TXNDC12: variants seen among roughly 807,000 people sequenced by gnomAD.
TXNDC12 encodes thioredoxin domain-containing protein 12.
Under a neutral mutation model 24.2 loss-of-function variants are expected in TXNDC12, and 22 were observed. The ratio of observed to expected loss-of-function variants is 0.91; its 90% CI spans 0.65 to 1.30. The LOEUF (loss-of-function observed/expected upper bound fraction) is 1.30. Ranked by LOEUF, TXNDC12 falls within the 50% of genes most tolerant of loss-of-function variation. The pLI, the probability that TXNDC12 is intolerant of heterozygous loss-of-function variation, is 0.00. For synonymous variants in TXNDC12, 58 were observed against 73.4 expected (o/e 0.79, Z 1.07); for missense variants, 184 against 205.8 (o/e 0.89, Z 0.65).
intron 2 of TXNDC12, among the ~76,000 whole-genome samples, chr1:52,037,856 G>A (rs1416641844): frequency 6.6e-6 from 1 of 151,882 alleles, no homozygotes; most frequent in Non-Finnish European, 1.5e-5. Flanking sequence ...GGGTTTTTTT[G>A]CACAAAAGAG....
chr1:52,047,226 G>A (rs1686112858), intron 1 of TXNDC12, among the ~76,000 whole-genome samples: 1 of 152,184 alleles, frequency 6.6e-6, no homozygotes, highest in Admixed American at 6.5e-5. Context: ...TAGGAATAAT[G>A]ATGGTTTATC....
rs760202220 is a variant in TXNDC12, at chr1:52,033,809, T to C, written c.159-5179A>G. 53 of 1,507,068 alleles carry C rather than the reference T, an allele frequency of 3.5e-5. No individual in the cohort carries two copies. In the Admixed American group the frequency reaches 8.4e-4, roughly 24 times the overall value. 93.4% of individuals were successfully genotyped at this position (1,507,068 alleles called of 1,614,324 possible). A position where few individuals can be genotyped will look rare whatever the true frequency, so the allele number is the denominator to read the frequency against. ...CAACCGCGCTGCGCCAACTTCCGGG[T>C]TGTACGCGTCTCCGACGTAAGCCGG... On this transcript the variant is annotated intron_variant, in intron 2 of 6. Coordinates refer to ENST00000371626, the MANE Select transcript of TXNDC12 (RefSeq NM_015913.4).
rs113397841 is a variant in TXNDC12, at chr1:52,053,006, G to A, written c.97+1994C>T. Among the ~76,000 whole-genome samples the A allele has an allele frequency of 7.0e-3, 1,065 of 152,140 alleles. 13 individuals are homozygous for A. The highest frequency in any genetic ancestry group is 0.024 in the African/African-American group (1,014 of 41,476). ...CGCCTATAATCCCAATACTTTGGGA[G>A]GCCAAGGAGGGAGGATTACCTGAGG... On this transcript the variant is annotated intron_variant, in intron 1 of 6. Coordinates refer to ENST00000371626, the MANE Select transcript of TXNDC12 (RefSeq NM_015913.4).
chr1:52,020,785 T>A lies in TXNDC12; in HGVS notation c.*148A>T. 1 of 611,484 alleles carries A rather than the reference T, an allele frequency of 1.6e-6. No homozygotes were observed. 37.9% of individuals were successfully genotyped at this position (611,484 alleles called of 1,614,324 possible). On this transcript the variant is annotated 3_prime_UTR_variant, in exon 7 of 7. Transcript: ENST00000371626. ...GCAGACCAGCTTCTGTTAGCAGAAC[T>A]CTTCCACAGTGAGAGCGCTCCTTCC...
intron 1 of TXNDC12, among the ~76,000 whole-genome samples, chr1:52,049,138 A>G (rs1686152903): frequency 6.6e-6 from 1 of 152,174 alleles, no homozygotes; most frequent in African/African-American, 2.4e-5. Context: ...GATTTAGTCT[A>G]ACCCTCTTAT....
At chr1:52,022,639 T>G (rs977412669) in intron 6 of TXNDC12, among the ~76,000 whole-genome samples, 3 of 143,732 alleles carry the variant, frequency 2.1e-5, no homozygotes, top group African/African-American at 7.8e-5. Flanking sequence ...TTTTTGGTTT[T>G]TTTTTTTTTT....
intron 4 of TXNDC12, among the ~76,000 whole-genome samples, chr1:52,025,812 G>C (rs1288189473): frequency 1.3e-5 from 2 of 151,512 alleles, no homozygotes; most frequent in Non-Finnish European, 1.5e-5. Context: ...CTATGTTTAA[G>C]TAAACATTAT....
intron 2 of TXNDC12, among the ~76,000 whole-genome samples, chr1:52,031,396 G>A (rs141242408): frequency 2.0e-5 from 3 of 151,882 alleles, no homozygotes; most frequent in Admixed American, 2.0e-4. Flanking sequence ...CTGACCTTGT[G>A]ATCCACCCGC....
intron 3 of TXNDC12, among the ~76,000 whole-genome samples, chr1:52,028,243 C>CA (rs1685702974): frequency 6.6e-6 from 1 of 152,142 alleles, no homozygotes; most frequent in Admixed American, 6.6e-5. Context: ...ACACATGCCA[C>CA]AGAGTCAGAT....
At chr1:52,041,314 G>C (rs578088352) in intron 2 of TXNDC12, among the ~76,000 whole-genome samples, 1 of 150,754 alleles carries the variant, frequency 6.6e-6, no homozygotes, top group African/African-American at 2.4e-5. Context: ...GCCTGGGCGA[G>C]AGAGTGAGAC....
At chr1:52,046,858 A>G (rs1232230017) in intron 1 of TXNDC12, among the ~76,000 whole-genome samples, 1 of 7,350 alleles carries the variant, frequency 1.4e-4, no homozygotes, top group Non-Finnish European at 7.7e-4. Context: ...TCTACTAAAA[A>G]AAAAAAAAAT....
intron 2 of TXNDC12, 86 bp downstream of exon 2, chr1:52,041,451 G>A: frequency 1.2e-6 from 1 of 865,532 alleles, no homozygotes; most frequent in Non-Finnish European, 1.9e-6. Context: ...CTCTGCCTTG[G>A]TATAGCCCTT....
At chr1:52,031,160 C>CTT (rs10712931) in intron 2 of TXNDC12, among the ~76,000 whole-genome samples, 94 of 138,684 alleles carry the variant, frequency 6.8e-4, no homozygotes, top group Middle Eastern at 3.7e-3. Flanking sequence ...TTCATCCTAT[C>CTT]TTTTTTTTTT....
At chr1:52,031,039 ACTC>A (rs1220609238) in intron 2 of TXNDC12, among the ~76,000 whole-genome samples, 1 of 151,648 alleles carries the variant, frequency 6.6e-6, no homozygotes, top group Non-Finnish European at 1.5e-5. Context: ...TCAAATGTTA[ACTC>A]CTCTTAAAAC....
chr1:52,024,441 G>A (rs1007523171), intron 5 of TXNDC12, 69 bp downstream of exon 5: 50 of 1,236,486 alleles, frequency 4.0e-5, no homozygotes, highest in Admixed American at 3.6e-5. Flanking sequence ...ACTAGGTGAA[G>A]TCAGTGCCTT....
At chr1:52,051,501 G>A (rs1001059794) in intron 1 of TXNDC12, among the ~76,000 whole-genome samples, 10 of 152,156 alleles carry the variant, frequency 6.6e-5, no homozygotes, top group East Asian at 3.9e-4. Context: ...TCAGCCTCCC[G>A]AGTAGCTAGG....
At chr1:52,027,181 T>C in intron 4 of TXNDC12, 94 bp downstream of exon 4, 1 of 909,704 alleles carries the variant, frequency 1.1e-6, no homozygotes, top group Non-Finnish European at 1.7e-6. Flanking sequence ...TTTGACTTCA[T>C]ACCACTAATG....
Position 52,055,118 on chromosome 1 carries a change from C to T in TXNDC12, c.-22G>A, listed in dbSNP as rs759541704. 1.3e-6 allele frequency: 2 copies of T among 1,577,900 alleles called. No individual in the cohort carries two copies. The highest frequency in any genetic ancestry group is 1.7e-6 in the Non-Finnish European group (2 of 1,147,614). On this transcript the variant is annotated 5_prime_UTR_variant, in exon 1 of 7. It adds an upstream start codon to the 5' untranslated region. Coordinates refer to ENST00000371626, the MANE Select transcript of TXNDC12 (RefSeq NM_015913.4). Reference sequence around the variant, plus strand: ...CCATGGCAGTAGGTGCGCGGGGCCACGGGGCTGAGCGGACGCAGGGCCGGA... The same window carrying T: ...CCATGGCAGTAGGTGCGCGGGGCCATGGGGCTGAGCGGACGCAGGGCCGGA...
chr1:52,033,620 C>A, intron 2 of TXNDC12: 1 of 1,612,524 alleles, frequency 6.2e-7, no homozygotes, highest in Non-Finnish European at 8.5e-7. Flanking sequence ...TCGCCGTACA[C>A]CGCTGGGTCC....
Sources: gnomAD v4.1 joint callset for allele counts (sites outside exome capture counted in the v4.1 genomes callset) on GRCh38, gnomAD v4.1.1 for gene constraint, MANE v1.5 for transcripts, NCBI Gene and HGNC (gene_info 2026-07-23, HGNC 2026-07-21) for gene names.